Variants in IGSF11 observed in about 807,000 individuals in gnomAD.
IGSF11 encodes the protein CXADR like 1.
In IGSF11, 22 loss-of-function variants were observed where a neutral mutation model predicts 41.0. The ratio of observed to expected loss-of-function variants is 0.54; its 90% CI spans 0.38 to 0.77. The LOEUF (loss-of-function observed/expected upper bound fraction) is 0.77, where lower values mean the gene tolerates loss of function less well. Ranked by LOEUF, IGSF11 falls within the 30% of genes least tolerant of loss-of-function variation. The pLI, the probability that IGSF11 is intolerant of heterozygous loss-of-function variation, is 0.00. For missense variants in IGSF11, 444 were observed against 530.8 expected (o/e 0.84, Z 1.61); for synonymous variants, 219 against 201.3 (o/e 1.09, Z -0.74).
chr3:119,105,690 A>G (rs918389648), upstream of IGSF11, among the ~76,000 whole-genome samples: 3 of 152,162 alleles, frequency 2.0e-5, no homozygotes, highest in Non-Finnish European at 4.4e-5. Flanking sequence ...AGGAAACCAC[A>G]CATACCATAC....
At chr3:118,916,437 A>C (rs1399510472) in intron 4 of IGSF11, among the ~76,000 whole-genome samples, 2 of 152,162 alleles carry the variant, frequency 1.3e-5, no homozygotes, top group Admixed American at 1.3e-4. Flanking sequence ...GGAAAACTAA[A>C]AAAGGCAGGG....
At chr3:118,920,470 A>G (rs1941665888) in intron 4 of IGSF11, among the ~76,000 whole-genome samples, 1 of 152,134 alleles carries the variant, frequency 6.6e-6, no homozygotes, top group Non-Finnish European at 1.5e-5. Context: ...CTAAATCCAG[A>G]TATATGTTGT....
At chr3:119,099,362 G>T (rs570740646) in intron 1 of IGSF11, among the ~76,000 whole-genome samples, 10 of 152,112 alleles carry the variant, frequency 6.6e-5, no homozygotes, top group Non-Finnish European at 1.2e-4. Context: ...ATGAGGGAAG[G>T]TACATGGACA....
chr3:119,031,313 T>C (rs1423481917), intron 1 of IGSF11, among the ~76,000 whole-genome samples: 1 of 152,176 alleles, frequency 6.6e-6, no homozygotes, highest in Non-Finnish European at 1.5e-5. Context: ...AAAGTTTTAG[T>C]GGGAAGGCCA....
intron 1 of IGSF11, among the ~76,000 whole-genome samples, chr3:118,986,054 T>C (rs1490705386): frequency 6.6e-6 from 1 of 152,224 alleles, no homozygotes; most frequent in East Asian, 1.9e-4. Flanking sequence ...TAAGCAAGCC[T>C]GAACAATTTG....
At chr3:119,055,428 A>C (rs998322254) in intron 1 of IGSF11, among the ~76,000 whole-genome samples, 1 of 152,186 alleles carries the variant, frequency 6.6e-6, no homozygotes, top group Admixed American at 6.5e-5. Flanking sequence ...AACTATCCTA[A>C]ATACATATGC....
In IGSF11 at chr3:119,135,864, C is replaced by G. The variant is rs182083636; in HGVS notation, c.-14+9949G>C. Among the ~76,000 whole-genome samples the G allele has an allele frequency of 9.9e-5, 15 of 152,258 alleles. No individual in the cohort carries two copies. In the East Asian group the frequency reaches 2.3e-3, roughly 23 times the overall value. ...TTAAGAAAATGTGGCACATATACAC[C>G]ATGGAATACTATGCAGCCATAAAGA... On this transcript the variant is annotated intron_variant, in intron 1 of 7. Transcript: ENST00000425327.
At chr3:119,071,177 C>A (rs1374725460) in intron 1 of IGSF11, among the ~76,000 whole-genome samples, 3 of 152,152 alleles carry the variant, frequency 2.0e-5, no homozygotes, top group Non-Finnish European at 4.4e-5. Flanking sequence ...AGGATGAAGT[C>A]CTGCAAGACC....
At chr3:119,124,521 C>T (rs1195271787) in intron 1 of IGSF11, among the ~76,000 whole-genome samples, 1 of 150,418 alleles carries the variant, frequency 6.6e-6, no homozygotes, top group Non-Finnish European at 1.5e-5. Context: ...ACCAGCCTGG[C>T]CAACATGGTC....
At chr3:118,931,027 T>TATAG (rs1576401801) in intron 1 of IGSF11, among the ~76,000 whole-genome samples, 1 of 152,190 alleles carries the variant, frequency 6.6e-6, no homozygotes, top group East Asian at 1.9e-4. Flanking sequence ...AGGATAGACA[T>TATAG]ATAGATAAAT....
At chr3:118,961,815 A>T (rs1356890576) in intron 1 of IGSF11, among the ~76,000 whole-genome samples, 1 of 152,208 alleles carries the variant, frequency 6.6e-6, no homozygotes, top group Non-Finnish European at 1.5e-5. Flanking sequence ...GTAATTAATA[A>T]ATTACTCCCT....
chr3:119,038,891 A>G (rs1253955033), upstream of IGSF11, among the ~76,000 whole-genome samples: 1 of 152,230 alleles, frequency 6.6e-6, no homozygotes, highest in East Asian at 1.9e-4. Flanking sequence ...AACAGGTTAG[A>G]GACCTTGATT....
intron 1 of IGSF11, among the ~76,000 whole-genome samples, chr3:118,970,837 T>A (rs1933322071): frequency 6.6e-6 from 1 of 152,064 alleles, no homozygotes; most frequent in South Asian, 2.1e-4. Flanking sequence ...CACTTCTCTA[T>A]TAAATAGTCT....
chr3:118,920,494 A>G (rs974085671), intron 4 of IGSF11, among the ~76,000 whole-genome samples: 3 of 152,112 alleles, frequency 2.0e-5, no homozygotes, highest in Non-Finnish European at 4.4e-5. Flanking sequence ...TAAGCAATAC[A>G]CCTAAAACAT....
intron 1 of IGSF11, among the ~76,000 whole-genome samples, chr3:118,975,727 C>T (rs1353777644): frequency 7.9e-5 from 12 of 152,262 alleles, no homozygotes; most frequent in South Asian, 4.1e-4. Context: ...GCAACATGGA[C>T]GCAGCTGGAG....
At chr3:119,131,014 C>A (rs893389363) in intron 1 of IGSF11, among the ~76,000 whole-genome samples, 2 of 151,742 alleles carry the variant, frequency 1.3e-5, no homozygotes, top group African/African-American at 4.8e-5. Context: ...ACATCAACAA[C>A]AAAAAAATCC....
At chr3:119,069,641 A>C (rs894436764) in intron 1 of IGSF11, among the ~76,000 whole-genome samples, 3 of 152,206 alleles carry the variant, frequency 2.0e-5, no homozygotes, top group African/African-American at 7.2e-5. Flanking sequence ...AGTAAATAGA[A>C]ATTCAAAAAC....
intron 1 of IGSF11, among the ~76,000 whole-genome samples, chr3:118,943,551 A>G (rs1943878874): frequency 6.6e-6 from 1 of 152,212 alleles, no homozygotes; most frequent in African/African-American, 2.4e-5. Flanking sequence ...CTGAACTTCC[A>G]TGTGACTGGC....
intron 1 of IGSF11, among the ~76,000 whole-genome samples, chr3:118,939,744 A>T (rs1310849439): frequency 1.3e-5 from 2 of 152,234 alleles, no homozygotes; most frequent in Non-Finnish European, 2.9e-5. Flanking sequence ...CTAAATGTGC[A>T]TATTAGAAAA....
Sources: allele counts gnomAD v4.1 joint callset (sites outside exome capture counted in the v4.1 genomes callset), GRCh38; gene constraint gnomAD v4.1.1; transcripts MANE v1.5; gene names NCBI Gene and HGNC (gene_info 2026-07-23, HGNC 2026-07-21).